ARHGAP44: variants seen among roughly 807,000 people sequenced by gnomAD.
ARHGAP44 encodes the protein rho GTPase-activating protein 44.
A neutral mutation model predicts 106.8 loss-of-function variants in ARHGAP44; 43 were observed. The observed-to-expected ratio is 0.40, with a 90% CI of 0.32 to 0.52. ARHGAP44 has a LOEUF of 0.52. Among genes scored for constraint, ARHGAP44 ranks in the 20% least tolerant of loss-of-function variants. The pLI is 0.48. For synonymous variants in ARHGAP44, 439 were observed against 410.3 expected, an observed-to-expected ratio of 1.07 and a Z score of -0.85; for missense variants, 866 against 1,050.5, an observed-to-expected ratio of 0.82 and a Z score of 2.43.
intron 1 of ARHGAP44, among the ~76,000 whole-genome samples, chr17:12,810,359 G>T (rs2034401728): frequency 1.3e-5 from 2 of 152,174 alleles, no homozygotes; most frequent in African/African-American, 4.8e-5. Context: ...TTAGGATAAG[G>T]AATATCTTAT....
intron 1 of ARHGAP44, among the ~76,000 whole-genome samples, chr17:12,887,648 T>C (rs4584859): frequency 0.028 from 4,221 of 152,264 alleles, 205 homozygotes; most frequent in African/African-American, 0.097. Flanking sequence ...ATTAGATTCA[T>C]AAAATGAATT....
At chr17:12,790,785 C>T (rs2033727278) in intron 1 of ARHGAP44, 1 of 152,188 alleles carries the variant, frequency 6.6e-6, no homozygotes, top group South Asian at 2.1e-4. Flanking sequence ...CAAGACTAGA[C>T]ATTCTTTGAA....
chr17:12,974,813 A>G (rs2143344637), intron 18 of ARHGAP44, among the ~76,000 whole-genome samples: 1 of 152,066 alleles, frequency 6.6e-6, no homozygotes, highest in Non-Finnish European at 1.5e-5. Flanking sequence ...AATTATAAGC[A>G]TATGCTGTAA....
intron 2 of ARHGAP44, 28 bp downstream of exon 2, chr17:12,895,007 A>G: frequency 6.4e-7 from 1 of 1,567,224 alleles, no homozygotes; most frequent in Non-Finnish European, 8.7e-7. Flanking sequence ...ACTGGCTCAC[A>G]GATACCAGAG....
In ARHGAP44 at chr17:12,987,330, G is replaced by A. The variant is rs115340192; in HGVS notation, c.2317+2422G>A. 1,003 of 540,242 alleles carry A rather than the reference G, an allele frequency of 1.9e-3. 9 individuals are homozygous for A. Among genetic ancestry groups the A allele is most frequent in the African/African-American group, 0.017 (895 of 52,682 alleles). The allele number at this position is 540,242 out of a possible 1,614,324, so 33.5% of individuals were successfully genotyped here. ...GATCCATGAGCTTATTTGGCTTTGG[G>A]GCATCCCTGGCCTCCTTTTCTTTCT... On this transcript the variant is annotated intron_variant, in intron 20 of 20. Transcript: ENST00000379672.
rs192551394 is a variant in ARHGAP44 at position 12,873,168 on chromosome 17, T to G, written c.54-21772T>G. Among the ~76,000 whole-genome samples, 107 of 152,294 alleles carry G rather than the reference T, an allele frequency of 7.0e-4. 1 individual carries two copies. The highest frequency in any genetic ancestry group is 3.4e-3 in the Middle Eastern group (1 of 294). On this transcript the variant is annotated intron_variant, in intron 1 of 20. Coordinates refer to ENST00000379672, the MANE Select transcript of ARHGAP44 (RefSeq NM_014859.6). Reference sequence around the variant, plus strand: ...TCCCCTCCTCTCTCTTGTCCCCTAATTCCCATGAGGTGACTTTCCTCTCCT... The same window carrying G: ...TCCCCTCCTCTCTCTTGTCCCCTAAGTCCCATGAGGTGACTTTCCTCTCCT...
chr17:12,957,570 G>T (rs2039160931), intron 15 of ARHGAP44, among the ~76,000 whole-genome samples: 1 of 152,070 alleles, frequency 6.6e-6, no homozygotes, highest in Admixed American at 6.6e-5. Context: ...TGAAGGTGGG[G>T]CTCAATCTCA....
In ARHGAP44 at chr17:12,789,720, T is replaced by A. The variant is rs76734427; in HGVS notation, c.-119T>A. On this transcript the variant is annotated 5_prime_UTR_variant, in exon 1 of 21. Coordinates refer to ENST00000379672, the MANE Select transcript of ARHGAP44 (RefSeq NM_014859.6). ...CGCGGGCCAGACGGCGCCCGGAGGC[T>A]CCGCAGTGCCGCCGCCGTCGCCCGG... 9,376 of 927,368 alleles carry A rather than the reference T, an allele frequency of 0.01. 58 individuals are homozygous for A. Among genetic ancestry groups the A allele is most frequent in the Middle Eastern group, 0.036 (99 of 2,768 alleles). The allele number at this position is 927,368 out of a possible 1,614,324, so 57.4% of individuals were successfully genotyped here.
chr17:12,890,757 T>G (rs893271203), intron 1 of ARHGAP44, among the ~76,000 whole-genome samples: 5 of 152,248 alleles, frequency 3.3e-5, no homozygotes, highest in Non-Finnish European at 7.3e-5. Flanking sequence ...GGTTACATTC[T>G]GCTTCTCTTT....
chr17:12,871,364 G>T (rs2036402545), intron 1 of ARHGAP44, among the ~76,000 whole-genome samples: 1 of 152,142 alleles, frequency 6.6e-6, no homozygotes, highest in African/African-American at 2.4e-5. Context: ...CTGCTGTAAA[G>T]AACTACCTGA....
chr17:12,851,105 T>C (rs2035726702), intron 1 of ARHGAP44, among the ~76,000 whole-genome samples: 1 of 152,208 alleles, frequency 6.6e-6, no homozygotes, highest in Non-Finnish European at 1.5e-5. Flanking sequence ...AGAATGTGAC[T>C]TGGAACAGCT....
chr17:12,832,788 G>A (rs988227377), intron 1 of ARHGAP44, among the ~76,000 whole-genome samples: 1 of 152,170 alleles, frequency 6.6e-6, no homozygotes, highest in Admixed American at 6.5e-5. Context: ...CTAGAGTTTG[G>A]TCAAGGAGAA....
intron 1 of ARHGAP44, among the ~76,000 whole-genome samples, chr17:12,857,471 T>G (rs2035944747): frequency 6.6e-6 from 1 of 152,178 alleles, no homozygotes; most frequent in South Asian, 2.1e-4. Flanking sequence ...CTTCCTCATC[T>G]TATAAAGCCA....
chr17:12,907,959 AT>A (rs377218863), intron 3 of ARHGAP44, among the ~76,000 whole-genome samples: 22 of 148,234 alleles, frequency 1.5e-4, no homozygotes, highest in East Asian at 5.9e-4. Context: ...ACCAATCCTT[AT>A]TTTTTTTTTG....
intron 1 of ARHGAP44, among the ~76,000 whole-genome samples, chr17:12,894,728 G>A (rs995776350): frequency 7.9e-5 from 12 of 152,156 alleles, no homozygotes; most frequent in African/African-American, 2.7e-4. Context: ...TGTAGCAGGA[G>A]AGTCTTCAGG....
chr17:12,858,114 T>C (rs916771294), intron 1 of ARHGAP44, among the ~76,000 whole-genome samples: 11 of 152,194 alleles, frequency 7.2e-5, no homozygotes, highest in African/African-American at 2.7e-4. Context: ...GCCAAGTCTG[T>C]AGTAAGCCTT....
chr17:12,944,675 G>A (rs1167196418), intron 10 of ARHGAP44, among the ~76,000 whole-genome samples: 1 of 141,362 alleles, frequency 7.1e-6, no homozygotes, highest in African/African-American at 2.6e-5. Context: ...TTTTTTAGTA[G>A]CAATGGGGTT....
intron 3 of ARHGAP44, among the ~76,000 whole-genome samples, chr17:12,900,110 G>A (rs925311103): frequency 6.6e-6 from 1 of 152,088 alleles, no homozygotes; most frequent in Non-Finnish European, 1.5e-5. Flanking sequence ...ACCTTTCCAT[G>A]TTGCCATCTT....
chr17:12,820,276 T>C (rs79741914), intron 1 of ARHGAP44, among the ~76,000 whole-genome samples: 4,274 of 152,174 alleles, frequency 0.028, 152 homozygotes, highest in African/African-American at 0.079. Flanking sequence ...TAATTGTACA[T>C]ATTCATGGGG....
Sources: allele counts gnomAD v4.1 joint callset (sites outside exome capture counted in the v4.1 genomes callset), GRCh38; gene constraint gnomAD v4.1.1; transcripts MANE v1.5; gene names NCBI Gene and HGNC (gene_info 2026-07-23, HGNC 2026-07-21).